ADGRD2: variants seen among roughly 807,000 people sequenced by gnomAD.
ADGRD2 encodes the protein G protein-coupled receptor PGR24.
Under a neutral mutation model 44.4 loss-of-function variants are expected in ADGRD2, and 71 were observed. The ratio of observed to expected loss-of-function variants is 1.60; its 90% CI spans 1.32 to 1.95. ADGRD2 has a LOEUF of 1.95. ADGRD2 is among the 30% of genes most tolerant of loss of function. The probability of loss-of-function intolerance (pLI) is 0.00; values close to 1 mark genes in which losing one functional copy is unlikely to be tolerated. For synonymous variants in ADGRD2, 481 were observed against 224.8 expected, an observed-to-expected ratio of 2.14 and a Z score of -10.19; for missense variants, 1,039 against 512.4, an observed-to-expected ratio of 2.03 and a Z score of -9.92.
intron 7 of ADGRD2, among the ~76,000 whole-genome samples, chr9:124,457,176 A>G (rs1588601284): frequency 6.6e-6 from 1 of 152,202 alleles, no homozygotes; most frequent in African/African-American, 2.4e-5. Context: ...ATGGGGGTGC[A>G]CCTGTGGTGA....
chr9:124,465,552 A>G (rs1831804542), intron 10 of ADGRD2: 3 of 152,204 alleles, frequency 2.0e-5, no homozygotes, highest in African/African-American at 7.2e-5. Context: ...GGGTTTTGCC[A>G]TGATGGCCAG....
chr9:124,455,445 C>G (rs1219646739), intron 6 of ADGRD2, among the ~76,000 whole-genome samples: 1 of 152,058 alleles, frequency 6.6e-6, no homozygotes, highest in Admixed American at 6.5e-5. Context: ...ACAAAATTAG[C>G]CAGGCCTGGT....
intron 19 of ADGRD2, 144 bp downstream of exon 22, chr9:124,475,759 C>T (rs1372164215): frequency 2.0e-5 from 11 of 551,798 alleles, no homozygotes; most frequent in Admixed American, 1.4e-4. Flanking sequence ...GGAGGCAGCC[C>T]GAGGGAGCCC....
At chr9:124,453,058 G>A (rs1166631523) in exon 3 of ADGRD2, 2 of 676,494 alleles carry the variant, frequency 3.0e-6, no homozygotes, top group Admixed American at 2.3e-5. Context: ...CGCCGTGCTG[G>A]TGTTCGACGA....
chr9:124,458,014 T>C (rs1831649687), intron 8 of ADGRD2, 99 bp from the exon 12 acceptor site: 2 of 672,870 alleles, frequency 3.0e-6, no homozygotes, highest in Non-Finnish European at 5.5e-6. Context: ...AGCCTCAGTT[T>C]CCCTATCTCT....
chr9:124,468,301 T>TGGGGAGGAGCAGGGCCC (rs1172988101), intron 13 of ADGRD2, 111 bp downstream of exon 16: 33 of 696,114 alleles, frequency 4.7e-5, no homozygotes, highest in East Asian at 1.9e-4. Context: ...TCCACTTCCC[T>TGGGGAGGAGCAGGGCCC]GGGGAGGAGC....
At position 124,466,246 on chromosome 9, in the gene ADGRD2, C is replaced by A; in HGVS notation, c.1871-12C>A. 1.6e-6 allele frequency: 1 copy of A among 616,626 alleles called. No individual in the cohort carries two copies. The highest frequency in any genetic ancestry group is 3.1e-6 in the Non-Finnish European group (1 of 326,578). The allele number at this position is 616,626 out of a possible 1,614,324, so 38.2% of individuals were successfully genotyped here. ...TTCTGGCCCCTCACCCCCTTGTCCA[C>A]CTTATCTCAAGAGCCCCCTGTTCCC... On this transcript the variant is annotated splice_polypyrimidine_tract_variant and intron_variant, in intron 10 of 21. Transcript: ENST00000334810.
chr9:124,475,824 C>A (rs1187680373), intron 19 of ADGRD2, among the ~76,000 whole-genome samples: 1 of 152,134 alleles, frequency 6.6e-6, no homozygotes, highest in African/African-American at 2.4e-5. Flanking sequence ...CTCGCAGCAC[C>A]CAGGTGGGAG....
At chr9:124,464,829 T>TC (rs1831786486) in intron 10 of ADGRD2, among the ~76,000 whole-genome samples, 2 of 152,286 alleles carry the variant, frequency 1.3e-5, no homozygotes, top group Admixed American at 6.5e-5. Context: ...TGTATGTGTT[T>TC]TCACAAGTAT....
rs1158457000 is a variant in ADGRD2, at chr9:124,454,770, A to G, written c.1109-73A>G. 10 of 616,030 alleles carry G rather than the reference A, an allele frequency of 1.6e-5. No homozygotes were observed. In the Admixed American group the frequency reaches 2.7e-4, roughly 16 times the overall value. 38.2% of individuals were successfully genotyped at this position (616,030 alleles called of 1,614,324 possible). A position where few individuals can be genotyped will look rare whatever the true frequency, so the allele number is the denominator to read the frequency against. ...GTGCCCACCAAGAAGACCCTGGCAA[A>G]GCCCAAGTGTGGCCCTTGGGGGGAT... On this transcript the variant is annotated intron_variant, in intron 5 of 21. Coordinates refer to ENST00000334810, the Ensembl canonical transcript of ADGRD2. The surrounding 1 kb of genome is among the most constrained non-coding windows in gnomAD (Gnocchi z 4.5).
At chr9:124,472,974 C>T (rs762985250) in intron 17 of ADGRD2, among the ~76,000 whole-genome samples, 12 of 152,234 alleles carry the variant, frequency 7.9e-5, no homozygotes, top group African/African-American at 1.4e-4. Flanking sequence ...GTCTGGGCCC[C>T]GCCGCTGACA....
At chr9:124,456,287 G>C (rs1163376478) in intron 6 of ADGRD2, among the ~76,000 whole-genome samples, 1 of 152,208 alleles carries the variant, frequency 6.6e-6, no homozygotes, top group Non-Finnish European at 1.5e-5. Flanking sequence ...TTTCCTTTTG[G>C]AATCTCAGTG....
intron 17 of ADGRD2, among the ~76,000 whole-genome samples, chr9:124,473,505 G>A (rs1831989906): frequency 6.6e-6 from 1 of 152,204 alleles, no homozygotes; most frequent in East Asian, 1.9e-4. Context: ...CCAAGGCTAC[G>A]CACAATCCCT....
exon 10 of ADGRD2, chr9:124,458,686 G>A (rs1464681818): frequency 1.3e-5 from 9 of 718,510 alleles, no homozygotes; most frequent in African/African-American, 5.2e-5. Context: ...AGAGGTCAAC[G>A]TGGCCATGAC....
intron 3 of ADGRD2, 52 bp from the exon 7 acceptor site, chr9:124,453,947 T>C: frequency 1.8e-6 from 1 of 562,500 alleles, no homozygotes; most frequent in South Asian, 1.9e-5. Flanking sequence ...CCGTGCGTCC[T>C]GGCTCGCCAG....
chr9:124,453,869 CTTA>C, intron 3 of ADGRD2, 127 bp from the exon 7 acceptor site: 2 of 598,310 alleles, frequency 3.3e-6, no homozygotes, highest in Non-Finnish European at 6.0e-6. Flanking sequence ...CCCCGGCCCC[CTTA>C]CCCCCACCCC....
intron 6 of ADGRD2, 146 bp from the exon 10 acceptor site, chr9:124,456,476 T>G (rs1831618796): frequency 1.6e-6 from 1 of 608,374 alleles, no homozygotes; most frequent in Non-Finnish European, 3.0e-6. Flanking sequence ...GACCCAGGAC[T>G]TGATCCTAGA....
chr9:124,469,150 G>A (rs948608040), intron 14 of ADGRD2, 72 bp from the exon 18 acceptor site: 89 of 656,552 alleles, frequency 1.4e-4, no homozygotes, highest in African/African-American at 7.1e-5. Context: ...TGCGGCTTGG[G>A]GGGCGGATCC....
upstream of ADGRD2, chr9:124,452,045 T>TGA (rs1831483486): frequency 6.9e-6 from 3 of 433,686 alleles, no homozygotes; most frequent in Non-Finnish European, 1.4e-5. Flanking sequence ...ACTGCAAGTG[T>TGA]GAGGGGAGGG....
Sources: allele counts gnomAD v4.1 joint callset (sites outside exome capture counted in the v4.1 genomes callset), GRCh38; gene constraint gnomAD v4.1.1; non-coding constraint Gnocchi (gnomAD v3.1); transcripts MANE v1.5; gene names NCBI Gene and HGNC (gene_info 2026-07-23, HGNC 2026-07-21).